MYO15B: variants seen among roughly 807,000 people sequenced by gnomAD.
MYO15B encodes the protein myosin XVB.
Under a neutral mutation model 119.3 loss-of-function variants are expected in MYO15B, and 207 were observed. That is an observed-to-expected ratio of 1.73 (90% CI 1.55 to 1.95). MYO15B has a LOEUF of 1.95. Among genes scored for constraint, MYO15B ranks in the 30% most tolerant of loss-of-function variants. The pLI, the probability that MYO15B is intolerant of heterozygous loss-of-function variation, is 0.00. For synonymous variants in MYO15B, 966 were observed against 498.9 expected (o/e 1.94, Z -12.48); for missense variants, 2,264 against 1,203.1 (o/e 1.88, Z -13.04).
At chr17:75,602,293 G>T (rs76113775) in intron 15 of MYO15B, 42,767 of 669,256 alleles carry the variant, frequency 0.064, 1,567 homozygotes, top group African/African-American at 0.077. Flanking sequence ...TAAAGCCCCA[G>T]TGGGGAGAGT....
At chr17:75,594,901 G>T (rs566911027) in exon 12 of MYO15B, 1 of 703,072 alleles carries the variant, frequency 1.4e-6, no homozygotes, top group African/African-American at 1.7e-5. Context: ...GAGAACCAAT[G>T]CACGGCTGGC....
In MYO15B at chr17:75,620,702, T is replaced by G. The variant is rs772434644; in HGVS notation, c.7725+66T>G. On this transcript the variant is annotated intron_variant, in intron 49 of 63. Coordinates refer to ENST00000645453, the Ensembl canonical transcript of MYO15B. ...CCTGAGACTGAGGAAGGAAAGGGGT[T>G]TGACCACTCCCGAGGCTGCCATGCG... 2 of 689,790 alleles carry G rather than the reference T, an allele frequency of 2.9e-6. No homozygotes were observed. The highest frequency in any genetic ancestry group is 5.3e-6 in the Non-Finnish European group (2 of 376,548). The allele number at this position is 689,790 out of a possible 1,614,324, so 42.7% of individuals were successfully genotyped here.
intron 36 of MYO15B, 69 bp from the exon 37 acceptor site, chr17:75,616,000 G>A (rs563908807): frequency 7.8e-5 from 46 of 590,634 alleles, no homozygotes; most frequent in African/African-American, 6.7e-4. Context: ...CCAGGACTGG[G>A]GACCCGAGGG....
intron 9 of MYO15B, among the ~76,000 whole-genome samples, chr17:75,593,872 C>T (rs820253): frequency 0.66 from 99,175 of 149,582 alleles, 33,216 homozygotes; most frequent in East Asian, 0.77. Flanking sequence ...TGAGCCAAGA[C>T]TATGCCATTG....
exon 49 of MYO15B, chr17:75,620,582 G>A (rs2058649898): frequency 1.4e-6 from 1 of 702,868 alleles, no homozygotes; most frequent in Non-Finnish European, 2.6e-6. Context: ...GCTGGCACAA[G>A]GGTCAGCTGT....
At chr17:75,609,673 TCCTTCCTTC>T (rs1351277707) in intron 21 of MYO15B, among the ~76,000 whole-genome samples, 7 of 149,666 alleles carry the variant, frequency 4.7e-5, no homozygotes, top group Non-Finnish European at 8.9e-5. Flanking sequence ...TCTCTTTCTT[TCCTTCCTTC>T]CCTTCCTTCC....
At chr17:75,623,793 G>A (rs1355649579) in exon 54 of MYO15B, 4 of 702,980 alleles carry the variant, frequency 5.7e-6, no homozygotes, top group South Asian at 4.4e-5. Flanking sequence ...GTGCCAGCAG[G>A]AGAAGCTGAG....
At chr17:75,601,227 TG>T (rs1254178635) in intron 14 of MYO15B, among the ~76,000 whole-genome samples, 1 of 152,084 alleles carries the variant, frequency 6.6e-6, no homozygotes, top group Non-Finnish European at 1.5e-5. Context: ...TTTGTAGAGA[TG>T]GGATCTCACT....
intron 14 of MYO15B, among the ~76,000 whole-genome samples, chr17:75,598,491 T>G (rs1311730858): frequency 7.6e-6 from 1 of 131,842 alleles, no homozygotes; most frequent in Non-Finnish European, 1.5e-5. Context: ...GGCAGGAGAA[T>G]GGCGTGAGCC....
chr17:75,609,693 T>G, intron 21 of MYO15B, among the ~76,000 whole-genome samples: 3 of 147,112 alleles, frequency 2.0e-5, no homozygotes, highest in South Asian at 2.2e-4. Context: ...CCTTCCTTCC[T>G]TCCTCCCTCC....
intron 53 of MYO15B, among the ~76,000 whole-genome samples, chr17:75,623,195 G>T (rs1415102321): frequency 6.6e-6 from 1 of 152,178 alleles, no homozygotes; most frequent in African/African-American, 2.4e-5. Flanking sequence ...GCTGGGCGTG[G>T]TGGAGCACAC....
In MYO15B at chr17:75,590,055, G is replaced by A. The variant is rs145925770; in HGVS notation, c.1998G>A (p.Gln666=). The A allele has an allele frequency of 2.3e-3, 926 of 399,080 alleles. 3 individuals carry two copies. Among genetic ancestry groups the A allele is most frequent in the African/African-American group, 0.017 (816 of 48,754 alleles). The allele number at this position is 399,080 out of a possible 1,614,324, so 24.7% of individuals were successfully genotyped here. A position where few individuals can be genotyped will look rare whatever the true frequency, so the allele number is the denominator to read the frequency against. Residue 666 remains glutamine (Q), a synonymous_variant, in exon 1 of 64, where the codon CAG becomes CAA. Transcript: ENST00000645453. ...TCTCCTTGGAGACCCGCCTGCAGCA[G>A]GAGGGAGACCCGGGCCTCCGTGGGT...
chr17:75,624,475 G>A (rs1183962377), intron 57 of MYO15B, 28 bp downstream of exon 57: 1 of 702,882 alleles, frequency 1.4e-6, no homozygotes, highest in African/African-American at 1.7e-5. Flanking sequence ...CAAGGGAGGA[G>A]GCCTTGGGCA....
In MYO15B at chr17:75,619,814, G is replaced by T. The variant is rs997201452; in HGVS notation, c.7301+15G>T. The stretch of plus-strand genomic sequence containing the variant: ...TGCTCATACAGGTGCGCTAGCCCAC[G>T]ACCCTGGGCTAGAGGTGGGGGCAGG... On this transcript the variant is annotated intron_variant, in intron 46 of 63. Coordinates refer to ENST00000645453, the Ensembl canonical transcript of MYO15B. The T allele has an allele frequency of 4.7e-5, 33 of 702,768 alleles. No individual in the cohort carries two copies. Among genetic ancestry groups the T allele is most frequent in the Non-Finnish European group, 7.5e-5 (29 of 384,854 alleles). The allele number at this position is 702,768 out of a possible 1,614,324, so 43.5% of individuals were successfully genotyped here.
chr17:75,624,386 G>C (rs542246481), exon 57 of MYO15B: 1 of 702,506 alleles, frequency 1.4e-6, no homozygotes, highest in Non-Finnish European at 2.6e-6. Context: ...CAAGCGATTC[G>C]CCTGCTTCTT....
chr17:75,625,934 G>A (rs1233139644), exon 62 of MYO15B: 1 of 702,506 alleles, frequency 1.4e-6, no homozygotes, highest in Non-Finnish European at 2.6e-6. Flanking sequence ...ACTCTCCTGG[G>A]GCTCAACCGC....
At chr17:75,598,026 T>C (rs2056983099) in intron 14 of MYO15B, among the ~76,000 whole-genome samples, 2 of 152,050 alleles carry the variant, frequency 1.3e-5, no homozygotes. Flanking sequence ...GGGGGCGTCA[T>C]GAGCCTCTAG....
Position 75,620,650 on chromosome 17 carries a change from G to A in MYO15B, c.7725+14G>A, listed in dbSNP as rs1427956214. The A allele has an allele frequency of 1.4e-6, 1 of 696,892 alleles. No individual in the cohort carries two copies. The highest frequency in any genetic ancestry group is 2.6e-6 in the Non-Finnish European group (1 of 380,206). 43.2% of individuals were successfully genotyped at this position (696,892 alleles called of 1,614,324 possible). ...AGGGCCTCAGAGGTGAGGAAGATGG[G>A]AGAGGGACAAGCAGAGGCAAGGCCT... On this transcript the variant is annotated intron_variant, in intron 49 of 63. Coordinates refer to ENST00000645453, the Ensembl canonical transcript of MYO15B.
intron 5 of MYO15B, 112 bp downstream of exon 5, chr17:75,591,824 G>A (rs1598697865): frequency 2.9e-6 from 2 of 682,278 alleles, no homozygotes; most frequent in Non-Finnish European, 5.4e-6. Flanking sequence ...CAGGAGAGGG[G>A]TGGTCTCCAG....
Sources: allele counts gnomAD v4.1 joint callset (sites outside exome capture counted in the v4.1 genomes callset), GRCh38; gene constraint gnomAD v4.1.1; transcripts MANE v1.5; gene names NCBI Gene and HGNC (gene_info 2026-07-23, HGNC 2026-07-21).